Variants in KCNIP4 observed in about 807,000 individuals in gnomAD.
KCNIP4 encodes the protein potassium voltage-gated channel interacting protein 4.
In KCNIP4, 12 loss-of-function variants were observed where a neutral mutation model predicts 34.0. That is an observed-to-expected ratio of 0.35 (90% CI 0.23 to 0.57). The LOEUF is 0.57. Ranked by LOEUF, KCNIP4 falls within the 20% of genes least tolerant of loss-of-function variation. The pLI is 0.83. For missense variants in KCNIP4, 238 were observed against 311.7 expected (o/e 0.76, Z 1.78); for synonymous variants, 124 against 102.2 (o/e 1.21, Z -1.29).
chr4:20,938,687 C>T (rs1731326504), intron 1 of KCNIP4, among the ~76,000 whole-genome samples: 1 of 152,158 alleles, frequency 6.6e-6, no homozygotes, highest in African/African-American at 2.4e-5. Flanking sequence ...TTTCCATTGA[C>T]ATTTCTGAGG....
chr4:21,425,436 A>G (rs950873360), intron 1 of KCNIP4, among the ~76,000 whole-genome samples: 1 of 152,176 alleles, frequency 6.6e-6, no homozygotes, highest in African/African-American at 2.4e-5. Flanking sequence ...TAATCTTCCT[A>G]AACATCATAT....
intron 1 of KCNIP4, among the ~76,000 whole-genome samples, chr4:21,111,751 A>C (rs935656999): frequency 6.6e-6 from 1 of 152,250 alleles, no homozygotes; most frequent in Admixed American, 6.5e-5. Flanking sequence ...CGACCAGAAG[A>C]GTTATTGCAG....
At chr4:20,794,228 G>A (rs1713153869) in intron 3 of KCNIP4, among the ~76,000 whole-genome samples, 1 of 152,128 alleles carries the variant, frequency 6.6e-6, no homozygotes, top group Non-Finnish European at 1.5e-5. Flanking sequence ...CCTCACATGA[G>A]CAGTTCACAG....
At chr4:21,889,887 C>T (rs1430327690) in intron 1 of KCNIP4, among the ~76,000 whole-genome samples, 1 of 152,150 alleles carries the variant, frequency 6.6e-6, no homozygotes, top group African/African-American at 2.4e-5. Flanking sequence ...TTCATGTGGG[C>T]TCCCAGAGTC....
intron 1 of KCNIP4, among the ~76,000 whole-genome samples, chr4:21,123,036 C>T (rs1750299152): frequency 6.6e-6 from 1 of 150,900 alleles, no homozygotes; most frequent in Non-Finnish European, 1.5e-5. Context: ...TGGTGAAACC[C>T]CATCTCTACC....
At chr4:21,599,044 G>T (rs1742883658) in intron 1 of KCNIP4, among the ~76,000 whole-genome samples, 1 of 152,006 alleles carries the variant, frequency 6.6e-6, no homozygotes. Flanking sequence ...CTGGATTATT[G>T]TTTTGCTGTC....
intron 2 of KCNIP4, among the ~76,000 whole-genome samples, chr4:20,866,524 A>G (rs536300928): frequency 1.3e-5 from 2 of 152,206 alleles, no homozygotes; most frequent in African/African-American, 4.8e-5. Flanking sequence ...AATAAGAGAC[A>G]TCTATGACAA....
chr4:21,435,241 G>A lies in KCNIP4; in HGVS notation c.61+513330C>T, dbSNP rs75993004. Reference sequence around the variant, plus strand: ...AAACCAAGACATGATAGAGACATGCGGACACGTGAATATATGTTTGAGGGG... The same window carrying A: ...AAACCAAGACATGATAGAGACATGCAGACACGTGAATATATGTTTGAGGGG... On this transcript the variant is annotated intron_variant, in intron 1 of 8. Coordinates refer to ENST00000382152, the MANE Select transcript of KCNIP4 (RefSeq NM_025221.6). Among the ~76,000 whole-genome samples, 1,218 of 152,174 alleles carry A rather than the reference G, an allele frequency of 8.0e-3. 14 individuals are homozygous for A. Among genetic ancestry groups the A allele is most frequent in the African/African-American group, 0.027 (1,140 of 41,496 alleles).
At chr4:21,271,481 CAT>C (rs1439947732) in intron 1 of KCNIP4, among the ~76,000 whole-genome samples, 1 of 152,124 alleles carries the variant, frequency 6.6e-6, no homozygotes, top group African/African-American at 2.4e-5. Flanking sequence ...GCTTTATTAA[CAT>C]GTGTTATTTA....
At chr4:21,836,788 T>A (rs531391705) in intron 1 of KCNIP4, among the ~76,000 whole-genome samples, 1 of 151,980 alleles carries the variant, frequency 6.6e-6, no homozygotes, top group Non-Finnish European at 1.5e-5. Context: ...GAAACCAGGA[T>A]TGTGGTCAGA....
At chr4:20,793,366 A>T (rs938611279) in intron 3 of KCNIP4, among the ~76,000 whole-genome samples, 3 of 152,256 alleles carry the variant, frequency 2.0e-5, no homozygotes, top group African/African-American at 7.2e-5. Flanking sequence ...TGCTGAGACA[A>T]TGTAGATCAA....
chr4:20,972,348 G>A (rs1560612410), intron 1 of KCNIP4, among the ~76,000 whole-genome samples: 2 of 152,178 alleles, frequency 1.3e-5, no homozygotes, highest in Admixed American at 6.5e-5. Flanking sequence ...CTTACAAAAT[G>A]TATTTCTTAA....
chr4:21,230,118 G>A (rs982588695), intron 1 of KCNIP4, among the ~76,000 whole-genome samples: 2 of 152,100 alleles, frequency 1.3e-5, no homozygotes, highest in Non-Finnish European at 2.9e-5. Context: ...TGAGGATAGA[G>A]AGACACACAT....
intron 1 of KCNIP4, among the ~76,000 whole-genome samples, chr4:21,812,299 C>T (rs908211166): frequency 4.6e-5 from 7 of 152,004 alleles, no homozygotes; most frequent in African/African-American, 1.4e-4. Flanking sequence ...GTATTAAAAA[C>T]AAATATTGCT....
In KCNIP4 at chr4:20,752,754, A is replaced by G. The variant is rs1753871516; in HGVS notation, c.359-3022T>C. ...AAGCCACTGGCTTTGACTGGGTGAG[A>G]GAAAGAAGCAAAGGCAAAGGAATGT... is the stretch of plus-strand genomic sequence containing the variant. On this transcript the variant is annotated intron_variant, in intron 4 of 8. Coordinates refer to ENST00000382152, the MANE Select transcript of KCNIP4 (RefSeq NM_025221.6). The G allele has an allele frequency of 2.0e-5, 3 of 152,366 alleles. No homozygotes were observed. The South Asian group carries it at 6.2e-4, about 32-fold the overall frequency. 9.4% of individuals were successfully genotyped at this position (152,366 alleles called of 1,614,324 possible).
intron 1 of KCNIP4, among the ~76,000 whole-genome samples, chr4:21,745,588 T>C (rs1716719745): frequency 6.6e-6 from 1 of 152,124 alleles, no homozygotes; most frequent in African/African-American, 2.4e-5. Context: ...AAAATAGTTA[T>C]ATTATACAGG....
intron 1 of KCNIP4, among the ~76,000 whole-genome samples, chr4:21,943,102 G>A (rs567180054): frequency 6.6e-6 from 1 of 152,302 alleles, no homozygotes; most frequent in East Asian, 1.9e-4. Context: ...GTGCTTACTA[G>A]AGGTACAAAA....
chr4:21,912,419 T>C (rs1241235529), intron 1 of KCNIP4, among the ~76,000 whole-genome samples: 1 of 152,248 alleles, frequency 6.6e-6, no homozygotes, highest in Non-Finnish European at 1.5e-5. Flanking sequence ...AAATCAGTTC[T>C]GGTTTTTGTC....
intron 1 of KCNIP4, among the ~76,000 whole-genome samples, chr4:21,539,308 T>G (rs1349969409): frequency 6.6e-6 from 1 of 152,146 alleles, no homozygotes; most frequent in Non-Finnish European, 1.5e-5. Flanking sequence ...TTCCACCCTT[T>G]CCATCACCTC....
Sources: gnomAD v4.1 joint callset for allele counts (sites outside exome capture counted in the v4.1 genomes callset) on GRCh38, gnomAD v4.1.1 for gene constraint, MANE v1.5 for transcripts, NCBI Gene and HGNC (gene_info 2026-07-23, HGNC 2026-07-21) for gene names.